B3GAT2: variants seen among roughly 807,000 people sequenced by gnomAD.
B3GAT2 encodes the protein galactosylgalactosylxylosylprotein 3-beta-glucuronosyltransferase 2.
In B3GAT2, 26 loss-of-function variants were observed where a neutral mutation model predicts 27.8. The ratio of observed to expected loss-of-function variants is 0.93; its 90% CI spans 0.68 to 1.30. The LOEUF (loss-of-function observed/expected upper bound fraction) is 1.30, where lower values mean the gene tolerates loss of function less well. B3GAT2 is among the 50% of genes most tolerant of loss of function. B3GAT2 has a pLI of 0.00. For synonymous variants in B3GAT2, 218 were observed against 195.1 expected (o/e 1.12, Z -0.98); for missense variants, 458 against 459.0 (o/e 1.00, Z 0.02).
chr6:70,873,782 T>C (rs1304086145), intron 2 of B3GAT2, among the ~76,000 whole-genome samples: 1 of 152,160 alleles, frequency 6.6e-6, no homozygotes, highest in Non-Finnish European at 1.5e-5. Context: ...AATTTATCTA[T>C]GTTTCAAATT....
chr6:70,861,972 G>A lies in B3GAT2; in HGVS notation c.743C>T (p.Ala248Val). The A allele has an allele frequency of 6.3e-7, 1 of 1,582,676 alleles. No homozygotes were observed. Among genetic ancestry groups the A allele is most frequent in the Non-Finnish European group, 8.6e-7 (1 of 1,167,738 alleles). ...GGACAAAATGACTTGAAGACTTACA[G>A]CAAATCCTTTGTGAAAAATAAAAAA... ...RPFAIDMAGF[A>V]VSLQVILSNP... The change falls in exon 3 of 4, where the codon GCT (alanine) becomes GTT (valine). Residue 248 changes from alanine to valine, a missense_variant. Physicochemically the swap from Ala to Val is moderately conservative, Grantham distance 64 (BLOSUM62 0). Coordinates refer to ENST00000230053, the MANE Select transcript of B3GAT2 (RefSeq NM_080742.3).
chr6:70,909,861 C>T (rs889749261), intron 1 of B3GAT2, among the ~76,000 whole-genome samples: 2 of 152,028 alleles, frequency 1.3e-5, no homozygotes, highest in African/African-American at 2.4e-5. Flanking sequence ...CCTCTTCCTC[C>T]TCTTTGTTTT....
intron 2 of B3GAT2, among the ~76,000 whole-genome samples, chr6:70,872,614 A>G (rs1771956097): frequency 6.6e-6 from 1 of 151,076 alleles, no homozygotes. Context: ...TGTAGACAGC[A>G]TATAGTTGGA....
chr6:70,936,806 G>GTCTTT (rs1765289654), intron 1 of B3GAT2, among the ~76,000 whole-genome samples: 1 of 151,472 alleles, frequency 6.6e-6, no homozygotes, highest in Non-Finnish European at 1.5e-5. Context: ...AAGCAGGAAA[G>GTCTTT]ATCCAAAATT....
chr6:70,908,665 T>C (rs923397051), intron 1 of B3GAT2, among the ~76,000 whole-genome samples: 4 of 152,140 alleles, frequency 2.6e-5, no homozygotes, highest in African/African-American at 9.7e-5. Context: ...CATGAAAATA[T>C]AATAATGCAC....
intron 1 of B3GAT2, among the ~76,000 whole-genome samples, chr6:70,914,621 T>A (rs551837378): frequency 1.3e-5 from 2 of 152,282 alleles, no homozygotes; most frequent in African/African-American, 4.8e-5. Flanking sequence ...CCCCTCTTGG[T>A]GCCAGCAAAA....
chr6:70,936,198 G>C (rs1449407528), intron 1 of B3GAT2, among the ~76,000 whole-genome samples: 1 of 152,062 alleles, frequency 6.6e-6, no homozygotes, highest in Non-Finnish European at 1.5e-5. Flanking sequence ...AACAAGAAGA[G>C]CTAACTATCC....
chr6:70,882,933 G>A (rs1393394556), intron 2 of B3GAT2, among the ~76,000 whole-genome samples: 1 of 152,082 alleles, frequency 6.6e-6, no homozygotes, highest in East Asian at 1.9e-4. Flanking sequence ...AATGTATAAA[G>A]GACTTGAATA....
intron 2 of B3GAT2, 83 bp from the exon 3 acceptor site, chr6:70,862,061 A>AAAC: frequency 7.4e-7 from 1 of 1,345,644 alleles, no homozygotes; most frequent in South Asian, 1.5e-5. Flanking sequence ...GGTCACATCA[A>AAAC]AACAGTTTTT....
At chr6:70,923,913 C>T (rs1158907021) in intron 1 of B3GAT2, among the ~76,000 whole-genome samples, 1 of 152,120 alleles carries the variant, frequency 6.6e-6, no homozygotes, top group Non-Finnish European at 1.5e-5. Flanking sequence ...TAAAGTTTCT[C>T]TCAGTCCTGG....
intron 1 of B3GAT2, among the ~76,000 whole-genome samples, chr6:70,939,150 C>G (rs574215618): frequency 1.7e-4 from 26 of 151,396 alleles, no homozygotes; most frequent in African/African-American, 6.3e-4. Flanking sequence ...TATGAAAAAA[C>G]GCTCATCACT....
At chr6:70,897,023 A>C (rs567464740) in intron 1 of B3GAT2, among the ~76,000 whole-genome samples, 1 of 152,350 alleles carries the variant, frequency 6.6e-6, no homozygotes, top group African/African-American at 2.4e-5. Flanking sequence ...TTACATTCTC[A>C]TCAGCAGTGT....
chr6:70,877,257 G>A (rs1772030734), intron 2 of B3GAT2, among the ~76,000 whole-genome samples: 3 of 152,158 alleles, frequency 2.0e-5, no homozygotes, highest in African/African-American at 7.2e-5. Context: ...GCTGGAGAAG[G>A]TCACCAGTGC....
intron 1 of B3GAT2, among the ~76,000 whole-genome samples, chr6:70,902,633 T>TAC (rs200605766): frequency 0.022 from 3,192 of 144,012 alleles, 135 homozygotes; most frequent in African/African-American, 0.08. Context: ...TATATATATA[T>TAC]ATATACACAC....
At chr6:70,864,168 T>C (rs1771813439) in intron 2 of B3GAT2, among the ~76,000 whole-genome samples, 1 of 151,664 alleles carries the variant, frequency 6.6e-6, no homozygotes, top group Non-Finnish European at 1.5e-5. Flanking sequence ...TGGTTGTATT[T>C]CCCCATTCTC....
In B3GAT2 at chr6:70,858,417, T is replaced by C; in HGVS notation, c.*3246A>G. The C allele has an allele frequency of 1.9e-6, 1 of 525,964 alleles. No individual in the cohort carries two copies. Among genetic ancestry groups the C allele is most frequent in the South Asian group, 3.4e-5 (1 of 29,428 alleles). 32.6% of individuals were successfully genotyped at this position (525,964 alleles called of 1,614,324 possible). A position where few individuals can be genotyped will look rare whatever the true frequency, so the allele number is the denominator to read the frequency against. Reference sequence around the variant, plus strand: ...AGTTGTATCAGATAGACAAATGATGTGTTATTATCGCTATTTTAGAGTATT... The same window carrying C: ...AGTTGTATCAGATAGACAAATGATGCGTTATTATCGCTATTTTAGAGTATT... On this transcript the variant is annotated 3_prime_UTR_variant, in exon 4 of 4. Transcript: ENST00000230053.
rs78894608 is a variant in B3GAT2, at chr6:70,923,500, A to T, written c.592-29228T>A. 8.7e-3 allele frequency among the ~76,000 whole-genome samples: 1,317 copies of T among 151,984 alleles called. 11 individuals carry two copies. Among genetic ancestry groups the T allele is most frequent in the Non-Finnish European group, 0.014 (970 of 67,988 alleles). On this transcript the variant is annotated intron_variant, in intron 1 of 3. Transcript: ENST00000230053. ...GAGACCACCTGAGCAGTGTAGTGAGACTCTCTACAAAAATTTTTTTAAAGA... is the reference window on the plus strand; with the variant it reads ...GAGACCACCTGAGCAGTGTAGTGAGTCTCTCTACAAAAATTTTTTTAAAGA...
At chr6:70,946,081 A>G (rs1183265905) in intron 1 of B3GAT2, among the ~76,000 whole-genome samples, 1 of 152,104 alleles carries the variant, frequency 6.6e-6, no homozygotes, top group East Asian at 1.9e-4. Context: ...AGCACTAAAC[A>G]TGGAAAGGCA....
chr6:70,863,406 G>T (rs2038477), intron 2 of B3GAT2, among the ~76,000 whole-genome samples: 6 of 151,998 alleles, frequency 3.9e-5, no homozygotes, highest in African/African-American at 1.5e-4. Context: ...CAAACATAAC[G>T]TGGTACAGCA....
Sources: allele counts gnomAD v4.1 joint callset (sites outside exome capture counted in the v4.1 genomes callset), GRCh38; gene constraint gnomAD v4.1.1; transcripts MANE v1.5; gene names NCBI Gene and HGNC (gene_info 2026-07-23, HGNC 2026-07-21).